Variants in NUDT5 observed in about 807,000 individuals in gnomAD.
NUDT5 encodes ADP-sugar pyrophosphatase.
In NUDT5, 21 loss-of-function variants were observed where a neutral mutation model predicts 34.1. The ratio of observed to expected loss-of-function variants is 0.62; its 90% CI spans 0.44 to 0.89. The LOEUF is 0.89. Among genes scored for constraint, NUDT5 ranks in the 40% least tolerant of loss-of-function variants. The pLI is 0.00. For missense variants in NUDT5, 249 were observed against 274.8 expected, an observed-to-expected ratio of 0.91 and a Z score of 0.66; for synonymous variants, 85 against 97.6, an observed-to-expected ratio of 0.87 and a Z score of 0.76.
At chr10:12,185,724 A>T (rs1917132) in intron 2 of NUDT5, among the ~76,000 whole-genome samples, 150,407 of 152,346 alleles carry the variant, frequency 0.99, 74,284 homozygotes, top group East Asian at 1. Context: ...AAGATCAGAG[A>T]TCCAAGATGA....
rs1564419451 is a variant in NUDT5, at chr10:12,166,675, GA to G, written c.*1026del. 3 of 493,992 alleles carry G rather than the reference GA, an allele frequency of 6.1e-6. No individual in the cohort carries two copies. Among genetic ancestry groups the G allele is most frequent in the South Asian group, 4.6e-5 (3 of 65,860 alleles). The allele number at this position is 493,992 out of a possible 1,614,324, so 30.6% of individuals were successfully genotyped here. ...AGAAACATGACTTAGGGCTGGATGA[GA>G]ATCATCCTGAGAATTCCGTGGGGGC... On this transcript the variant is annotated 3_prime_UTR_variant, in exon 10 of 10. Coordinates refer to ENST00000491614, the MANE Select transcript of NUDT5 (RefSeq NM_014142.4).
intron 1 of NUDT5, among the ~76,000 whole-genome samples, chr10:12,192,861 A>C (rs2131721261): frequency 6.6e-6 from 1 of 152,290 alleles, no homozygotes; most frequent in East Asian, 1.9e-4. Flanking sequence ...AAAAGAAAAA[A>C]AAAGGATAAT....
In NUDT5 at chr10:12,195,873, C is replaced by A. The variant is rs867012387; in HGVS notation, c.-145G>T. The stretch of plus-strand genomic sequence containing the variant: ...CGGCTCGAAACACCGGCGCCTCTCG[C>A]GGTGCTAAAAGGATGGGCGCGCACC... On this transcript the variant is annotated 5_prime_UTR_variant, in exon 1 of 10. Transcript: ENST00000491614. 8.1e-6 allele frequency: 2 copies of A among 245,528 alleles called. No individual in the cohort carries two copies. Among genetic ancestry groups the A allele is most frequent in the Non-Finnish European group, 1.6e-5 (2 of 123,298 alleles). 15.2% of individuals were successfully genotyped at this position (245,528 alleles called of 1,614,324 possible).
In NUDT5 at chr10:12,182,621, G is replaced by A. The variant is rs765887015; in HGVS notation, c.131+2268C>T. On this transcript the variant is annotated intron_variant, in intron 3 of 9. Coordinates refer to ENST00000491614, the MANE Select transcript of NUDT5 (RefSeq NM_014142.4). The surrounding 1 kb of genome is among the most constrained non-coding windows in gnomAD (Gnocchi z 4.3). Reference sequence around the variant, plus strand: ...AATAGATATTCTGAAGTGAGATTTCGTCGTATTTTCAGAAAAGTCCCCATA... The same window carrying A: ...AATAGATATTCTGAAGTGAGATTTCATCGTATTTTCAGAAAAGTCCCCATA... Among the ~76,000 whole-genome samples, 1 of 152,186 alleles carries A rather than the reference G, an allele frequency of 6.6e-6. No homozygotes were observed. The highest frequency in any genetic ancestry group is 1.5e-5 in the Non-Finnish European group (1 of 68,038).
At chr10:12,193,493 AAT>A (rs1835271298) in intron 1 of NUDT5, among the ~76,000 whole-genome samples, 1 of 152,220 alleles carries the variant, frequency 6.6e-6, no homozygotes, top group Non-Finnish European at 1.5e-5. Flanking sequence ...AGAAAAAGCA[AAT>A]ATTTCCACTG....
rs1292901927 is a variant in NUDT5, at chr10:12,171,690, TA to T, written c.488-783del. ...GCAGTTCAAAAATTAAGATTTATTT[TA>T]TTTATTTATTTATTTATTTATTTAT... On this transcript the variant is annotated intron_variant, in intron 7 of 9. Transcript: ENST00000491614. This position sits in a 1 kb window ranked among gnomAD's most constrained non-coding sequence, Gnocchi z 4.2. Among the ~76,000 whole-genome samples the T allele has an allele frequency of 7.4e-4, 33 of 44,868 alleles. No homozygotes were observed. Among genetic ancestry groups the T allele is most frequent in the Middle Eastern group, 0.013 (1 of 80 alleles). The allele number at this position is 44,868 out of a possible 152,430, so 29.4% of individuals were successfully genotyped here. A position where few individuals can be genotyped will look rare whatever the true frequency, so the allele number is the denominator to read the frequency against.
chr10:12,177,947 C>T (rs770806935), intron 4 of NUDT5, 47 bp from the exon 5 acceptor site: 1 of 1,390,160 alleles, frequency 7.2e-7, no homozygotes, highest in Non-Finnish European at 1.0e-6. Flanking sequence ...GAGAGGTCAG[C>T]AATGCCAGCA....
intron 1 of NUDT5, among the ~76,000 whole-genome samples, chr10:12,192,816 A>C (rs1226263667): frequency 1.3e-5 from 2 of 152,178 alleles, no homozygotes; most frequent in Non-Finnish European, 2.9e-5. Context: ...GCACCACTGC[A>C]TTCCAGCCTG....
chr10:12,195,707 C>T (rs1236384212), intron 1 of NUDT5, 63 bp downstream of exon 1: 2 of 159,822 alleles, frequency 1.3e-5, no homozygotes, highest in African/African-American at 4.8e-5. Flanking sequence ...TGGTCCCTTT[C>T]CCCTTCTTCT....
intron 1 of NUDT5, among the ~76,000 whole-genome samples, chr10:12,190,879 G>A (rs181889753): frequency 1.1e-3 from 163 of 152,120 alleles, no homozygotes; most frequent in Middle Eastern, 6.8e-3. Context: ...ACAGCACTGG[G>A]ATTACAGGGG....
chr10:12,195,798 A>G lies in NUDT5; in HGVS notation c.-70T>C, dbSNP rs188662058. 9.4e-4 allele frequency: 204 copies of G among 215,904 alleles called. No homozygotes were observed. Among genetic ancestry groups the G allele is most frequent in the African/African-American group, 4.6e-3 (196 of 42,658 alleles). The allele number at this position is 215,904 out of a possible 1,614,324, so 13.4% of individuals were successfully genotyped here. A position where few individuals can be genotyped will look rare whatever the true frequency, so the allele number is the denominator to read the frequency against. On this transcript the variant is annotated 5_prime_UTR_variant, in exon 1 of 10. Coordinates refer to ENST00000491614, the MANE Select transcript of NUDT5 (RefSeq NM_014142.4). ...AAGGTGTAGGGGTGAAGAACGGAAG[A>G]GGACGAAATAACTAGCTGGAGGCAG...
At position 12,175,744 on chromosome 10, in the gene NUDT5, G is replaced by A. The variant is rs913950132; in HGVS notation, c.290-1931C>T. On this transcript the variant is annotated intron_variant, in intron 5 of 9. Coordinates refer to ENST00000491614, the MANE Select transcript of NUDT5 (RefSeq NM_014142.4). The surrounding 1 kb of genome is among the most constrained non-coding windows in gnomAD (Gnocchi z 4.8). ...GCCAAGGAGTTAGAGATCAGCCTGGGCAACATGGCAAAACCCCATCTCTAC... is the reference window on the plus strand; with the variant it reads ...GCCAAGGAGTTAGAGATCAGCCTGGACAACATGGCAAAACCCCATCTCTAC... 3.9e-5 allele frequency among the ~76,000 whole-genome samples: 6 copies of A among 151,994 alleles called. No individual in the cohort carries two copies. Among genetic ancestry groups the A allele is most frequent in the Non-Finnish European group, 7.4e-5 (5 of 67,990 alleles).
chr10:12,167,034 C>T lies in NUDT5; in HGVS notation c.*668G>A, dbSNP rs994458151. ...GAATAGGAAAAGAGATCCTCAAGCA[C>T]GTGCAGATGCTTGCGGGATGGACCT... On this transcript the variant is annotated 3_prime_UTR_variant, in exon 10 of 10. Coordinates refer to ENST00000491614, the MANE Select transcript of NUDT5 (RefSeq NM_014142.4). 2.1e-5 allele frequency: 4 copies of T among 188,448 alleles called. No homozygotes were observed. Among genetic ancestry groups the T allele is most frequent in the Non-Finnish European group, 3.4e-5 (3 of 89,058 alleles). The allele number at this position is 188,448 out of a possible 1,614,324, so 11.7% of individuals were successfully genotyped here. A position where few individuals can be genotyped will look rare whatever the true frequency, so the allele number is the denominator to read the frequency against.
intron 1 of NUDT5, among the ~76,000 whole-genome samples, chr10:12,193,854 C>T (rs1052695189): frequency 1.3e-5 from 2 of 151,688 alleles, no homozygotes; most frequent in African/African-American, 4.9e-5. Context: ...TTGCAACTGC[C>T]TTAATCTCTA....
In NUDT5 at chr10:12,167,570, C is replaced by G; in HGVS notation, c.*132G>C. The G allele has an allele frequency of 1.3e-6, 1 of 778,166 alleles. No homozygotes were observed. Among genetic ancestry groups the G allele is most frequent in the South Asian group, 1.9e-5 (1 of 53,854 alleles). 48.2% of individuals were successfully genotyped at this position (778,166 alleles called of 1,614,324 possible). ...TGTAATTACAATTCCATACCACCAC[C>G]ACATCTGTTCTGTGCTTTTATTTTA... On this transcript the variant is annotated 3_prime_UTR_variant, in exon 10 of 10. Transcript: ENST00000491614.
At chr10:12,191,832 G>A (rs1835235862) in intron 1 of NUDT5, among the ~76,000 whole-genome samples, 1 of 152,202 alleles carries the variant, frequency 6.6e-6, no homozygotes, top group African/African-American at 2.4e-5. Context: ...CAGTATGCCA[G>A]TATTAGTAAC....
chr10:12,186,561 A>G lies in NUDT5; in HGVS notation c.-41-229T>C, dbSNP rs559809513. On this transcript the variant is annotated intron_variant, in intron 1 of 9. Coordinates refer to ENST00000491614, the MANE Select transcript of NUDT5 (RefSeq NM_014142.4). ...TAGTCACCCTCAGCCACAACAGCCA[A>G]GCTCCTGCCATGCCTGTTCTAGGCA... Among the ~76,000 whole-genome samples, 3 of 152,024 alleles carry G rather than the reference A, an allele frequency of 2.0e-5. No individual in the cohort carries two copies. In the East Asian group the frequency reaches 5.8e-4, roughly 29 times the overall value.
At chr10:12,177,378 G>GATAT (rs1834968339) in intron 5 of NUDT5, among the ~76,000 whole-genome samples, 1 of 151,888 alleles carries the variant, frequency 6.6e-6, no homozygotes, top group Non-Finnish European at 1.5e-5. Flanking sequence ...AATTAGCCGG[G>GATAT]CGTGGTGGCG....
At position 12,181,180 on chromosome 10, in the gene NUDT5, A is replaced by C. The variant is rs1355043409; in HGVS notation, c.132-2048T>G. On this transcript the variant is annotated intron_variant, in intron 3 of 9. Transcript: ENST00000491614. The surrounding 1 kb of genome is among the most constrained non-coding windows in gnomAD (Gnocchi z 5.0). Reference sequence around the variant, plus strand: ...CTTGCCATTATTCCCTAAACAATAGAGTACGACTGTTGACACAGCATTTGC... The same window carrying C: ...CTTGCCATTATTCCCTAAACAATAGCGTACGACTGTTGACACAGCATTTGC... Among the ~76,000 whole-genome samples the C allele has an allele frequency of 2.6e-5, 4 of 152,210 alleles. No homozygotes were observed. Among genetic ancestry groups the C allele is most frequent in the African/African-American group, 9.6e-5 (4 of 41,460 alleles).
Sources: gnomAD v4.1 joint callset for allele counts (sites outside exome capture counted in the v4.1 genomes callset) on GRCh38, gnomAD v4.1.1 for gene constraint, Gnocchi (gnomAD v3.1) non-coding constraint, MANE v1.5 for transcripts, NCBI Gene and HGNC (gene_info 2026-07-23, HGNC 2026-07-21) for gene names.